Variants in UNC79 observed in about 807,000 individuals in gnomAD.
UNC79 encodes the protein unc-79 subunit of NALCN channel complex, also known as protein unc-79 homolog.
UNC79 carries 37 observed loss-of-function variants against 283.1 expected under a neutral mutation model. The observed-to-expected ratio is 0.13, with a 90% CI of 0.10 to 0.17. The LOEUF is 0.17. UNC79 is among the 10% of genes least tolerant of loss of function. UNC79 has a pLI of 1.00. For missense variants in UNC79, 2,272 were observed against 3,211.1 expected, an observed-to-expected ratio of 0.71 and a Z score of 7.07; for synonymous variants, 1,107 against 1,200.2, an observed-to-expected ratio of 0.92 and a Z score of 1.61.
At chr14:93,516,086 GA>G in intron 7 of UNC79, among the ~76,000 whole-genome samples, 1 of 151,844 alleles carries the variant, frequency 6.6e-6, no homozygotes, top group Non-Finnish European at 1.5e-5. Context: ...TCAATTTGTT[GA>G]AAAGAGTATC....
At chr14:93,522,165 C>T (rs191687692) in intron 7 of UNC79, among the ~76,000 whole-genome samples, 4 of 152,188 alleles carry the variant, frequency 2.6e-5, no homozygotes, top group African/African-American at 9.6e-5. Context: ...GAATAGAAGT[C>T]TTTAGAGCCC....
rs369151070 is a variant in UNC79 at position 93,668,549 on chromosome 14, C to T, written c.6637-4802C>T. Among the ~76,000 whole-genome samples, 285 of 121,140 alleles carry T rather than the reference C, an allele frequency of 2.4e-3. 4 individuals carry two copies. The highest frequency in any genetic ancestry group is 3.3e-3 in the Non-Finnish European group (198 of 60,918). The allele number at this position is 121,140 out of a possible 152,430, so 79.5% of individuals were successfully genotyped here. A position where few individuals can be genotyped will look rare whatever the true frequency, so the allele number is the denominator to read the frequency against. On this transcript the variant is annotated intron_variant, in intron 40 of 48. Transcript: ENST00000555664. ...AACAAGGCGAGACTCCATCTCTATA[C>T]AAAAAAAAAATTAGGCGGGGCAAAG... is the stretch of plus-strand genomic sequence containing the variant.
rs111888308 is a variant in UNC79 at position 93,483,808 on chromosome 14, C to G, written c.620-3855C>G. Among the ~76,000 whole-genome samples the G allele has an allele frequency of 8.8e-3, 1,338 of 151,752 alleles. 26 individuals carry two copies. The highest frequency in any genetic ancestry group is 0.031 in the African/African-American group (1,270 of 41,386). ...TGCGGTGTTTGGTTTTCTGTCCTTG[C>G]GATAGTTTGCTCAGAATGATGGTTT... On this transcript the variant is annotated intron_variant, in intron 4 of 48. Coordinates refer to ENST00000555664, the Ensembl canonical transcript of UNC79.
chr14:93,391,371 G>A (rs1412362045), intron 1 of UNC79, among the ~76,000 whole-genome samples: 1 of 152,206 alleles, frequency 6.6e-6, no homozygotes, highest in African/African-American at 2.4e-5. Flanking sequence ...GGCAAACAGT[G>A]AAGCTTTATT....
At chr14:93,615,719 T>TCAAAAA (rs2066655919) in intron 27 of UNC79, among the ~76,000 whole-genome samples, 1 of 9,938 alleles carries the variant, frequency 1.0e-4, no homozygotes, top group Non-Finnish European at 1.9e-4. Context: ...AGACTCCATC[T>TCAAAAA]CAAAAAAAAA....
At chr14:93,622,450 C>A in exon 30 of UNC79, 1 of 1,614,152 alleles carries the variant, frequency 6.2e-7, no homozygotes, top group Non-Finnish European at 8.5e-7. Flanking sequence ...CCTGCGGTAG[C>A]CCACTGACGC....
At chr14:93,633,481 G>A (rs1221238062) in intron 31 of UNC79, among the ~76,000 whole-genome samples, 3 of 152,220 alleles carry the variant, frequency 2.0e-5, no homozygotes, top group African/African-American at 7.2e-5. Context: ...CAGGGGCCAT[G>A]CGGTCATCCC....
chr14:93,338,745 A>T (rs2053637500), intron 1 of UNC79, among the ~76,000 whole-genome samples: 1 of 152,068 alleles, frequency 6.6e-6, no homozygotes, highest in Non-Finnish European at 1.5e-5. Flanking sequence ...TGTCTCTATG[A>T]AAAAAAGACA....
exon 7 of UNC79, chr14:93,497,260 G>A: frequency 6.2e-7 from 1 of 1,613,186 alleles, no homozygotes. Context: ...GGGGCAATAA[G>A]CGAGTACAGG....
chr14:93,371,022 G>T (rs1359136965), intron 1 of UNC79, among the ~76,000 whole-genome samples: 3 of 152,042 alleles, frequency 2.0e-5, no homozygotes, highest in Admixed American at 2.0e-4. Context: ...CATCCAGGAA[G>T]CTCAGAGACA....
intron 46 of UNC79, among the ~76,000 whole-genome samples, chr14:93,692,916 G>A (rs1482453970): frequency 3.3e-5 from 5 of 152,198 alleles, no homozygotes; most frequent in Admixed American, 6.5e-5. Context: ...CATCAATAGA[G>A]TTCTTGTTTG....
intron 5 of UNC79, among the ~76,000 whole-genome samples, chr14:93,491,568 C>T (rs939170195): frequency 6.6e-6 from 1 of 151,986 alleles, no homozygotes; most frequent in Admixed American, 6.6e-5. Flanking sequence ...TTTTTTACCC[C>T]CTGAAACCAA....
intron 35 of UNC79, among the ~76,000 whole-genome samples, chr14:93,651,329 C>G (rs2140313329): frequency 6.6e-6 from 1 of 152,210 alleles, no homozygotes; most frequent in East Asian, 1.9e-4. Context: ...AAAAAGTCTG[C>G]TGGGCTTGTA....
Position 93,435,052 on chromosome 14 carries a change from A to T in UNC79, c.22+4001A>T, listed in dbSNP as rs116959937. On this transcript the variant is annotated intron_variant, in intron 1 of 48. Transcript: ENST00000555664. ...GGGCCATGCATGGAGAAATCAATAG[A>T]TAGTTTTCTTTATTTTTTGCACATT... Among the ~76,000 whole-genome samples the T allele has an allele frequency of 1.2e-3, 178 of 152,334 alleles. 1 individual carries two copies. Among genetic ancestry groups the T allele is most frequent in the South Asian group, 5.2e-3 (25 of 4,828 alleles).
intron 14 of UNC79, among the ~76,000 whole-genome samples, chr14:93,557,161 A>G (rs1449801619): frequency 3.3e-5 from 5 of 152,226 alleles, no homozygotes; most frequent in Admixed American, 3.3e-4. Flanking sequence ...AGAGAGTGTG[A>G]CAAAATTTAT....
At chr14:93,626,931 C>A (rs2067615593) in intron 30 of UNC79, among the ~76,000 whole-genome samples, 5 of 152,136 alleles carry the variant, frequency 3.3e-5, no homozygotes, top group Admixed American at 2.0e-4. Context: ...CACCTGTAGT[C>A]CCAGCTGCTT....
intron 14 of UNC79, among the ~76,000 whole-genome samples, chr14:93,570,402 T>C (rs2063144483): frequency 6.6e-6 from 1 of 152,212 alleles, no homozygotes; most frequent in African/African-American, 2.4e-5. Flanking sequence ...GCCTTTGGAA[T>C]GTTTTTATAA....
chr14:93,630,500 C>T (rs912930121), intron 30 of UNC79, among the ~76,000 whole-genome samples: 10 of 152,138 alleles, frequency 6.6e-5, no homozygotes, highest in African/African-American at 2.4e-4. Flanking sequence ...AAATTTAGTA[C>T]AGAAAGGTTA....
chr14:93,695,907 A>AAAAAAAAAAAAAAAAAAAAAAAAAAC, intron 47 of UNC79, among the ~76,000 whole-genome samples: 1 of 147,804 alleles, frequency 6.8e-6, no homozygotes, highest in Non-Finnish European at 1.5e-5. Flanking sequence ...AAAAAAAAAA[A>AAAAAAAAAAAAAAAAAAAAAAAAAAC]AAAGCAAACA....
Sources: allele counts gnomAD v4.1 joint callset (sites outside exome capture counted in the v4.1 genomes callset), GRCh38; gene constraint gnomAD v4.1.1; transcripts MANE v1.5; gene names NCBI Gene and HGNC (gene_info 2026-07-23, HGNC 2026-07-21).